MBNL2: variants seen among roughly 807,000 people sequenced by gnomAD.
MBNL2 encodes the protein muscleblind like splicing regulator 2, also known as muscleblind-like protein 2.
In MBNL2, 17 loss-of-function variants were observed where a neutral mutation model predicts 41.9. That is an observed-to-expected ratio of 0.41 (90% CI 0.28 to 0.61). The LOEUF is 0.61. Among genes scored for constraint, MBNL2 ranks in the 20% least tolerant of loss-of-function variants. The probability of loss-of-function intolerance (pLI) is 0.35; values close to 1 mark genes in which losing one functional copy is unlikely to be tolerated. For synonymous variants in MBNL2, 195 were observed against 182.9 expected (o/e 1.07, Z -0.53); for missense variants, 336 against 505.6 (o/e 0.66, Z 3.22).
chr13:97,254,498 C>T (rs1000060086), intron 1 of MBNL2, among the ~76,000 whole-genome samples: 7 of 152,152 alleles, frequency 4.6e-5, no homozygotes, highest in Non-Finnish European at 7.3e-5. Flanking sequence ...GTGTTATTAA[C>T]TTCCTCTGTC....
intron 2 of MBNL2, among the ~76,000 whole-genome samples, chr13:97,330,332 C>A (rs1005711624): frequency 5.3e-5 from 8 of 152,122 alleles, no homozygotes; most frequent in East Asian, 1.9e-4. Context: ...GCTCCCAGTT[C>A]CTGGGAGGCT....
At chr13:97,271,135 T>C (rs2152916731) in intron 1 of MBNL2, among the ~76,000 whole-genome samples, 1 of 151,062 alleles carries the variant, frequency 6.6e-6, no homozygotes, top group African/African-American at 2.4e-5. Flanking sequence ...TGTTTTTTTT[T>C]TTTGAGACAG....
chr13:97,242,979 G>A (rs2044627264), intron 1 of MBNL2, among the ~76,000 whole-genome samples: 1 of 152,180 alleles, frequency 6.6e-6, no homozygotes. Flanking sequence ...CTGAGCGCAT[G>A]CGCTCCTGTG....
At chr13:97,331,714 A>G (rs2060456096) in intron 2 of MBNL2, among the ~76,000 whole-genome samples, 1 of 152,202 alleles carries the variant, frequency 6.6e-6, no homozygotes, top group African/African-American at 2.4e-5. Flanking sequence ...TATAAGGAGA[A>G]AATGAGATGA....
chr13:97,162,699 T>C, the MBNL2 span, among the ~76,000 whole-genome samples: 1 of 152,336 alleles, frequency 6.6e-6, no homozygotes, highest in Admixed American at 6.5e-5. Context: ...TCAGCCTCTC[T>C]CCACCAGCAC....
chr13:97,193,221 C>T, the MBNL2 span, among the ~76,000 whole-genome samples: 39 of 152,328 alleles, frequency 2.6e-4, no homozygotes, highest in African/African-American at 8.4e-4. Context: ...CTCTCCCCAG[C>T]GGACCAATGC....
intron 2 of MBNL2, among the ~76,000 whole-genome samples, chr13:97,302,729 G>A (rs2057749447): frequency 6.6e-6 from 1 of 152,174 alleles, no homozygotes. Flanking sequence ...AGGCTGTAGT[G>A]GAGTCTGTAC....
At chr13:97,232,892 C>T (rs185568260) in intron 1 of MBNL2, among the ~76,000 whole-genome samples, 27 of 114,616 alleles carry the variant, frequency 2.4e-4, no homozygotes, top group African/African-American at 4.1e-4. Context: ...TGTGTGTGTG[C>T]GCACGTACAC....
intron 2 of MBNL2, among the ~76,000 whole-genome samples, chr13:97,297,717 TG>T (rs1163452263): frequency 6.6e-6 from 1 of 152,158 alleles, no homozygotes; most frequent in African/African-American, 2.4e-5. Context: ...CCTTGCTGCA[TG>T]TTGAGGAAGA....
At chr13:97,167,261 G>T in the MBNL2 span, among the ~76,000 whole-genome samples, 1 of 152,140 alleles carries the variant, frequency 6.6e-6, no homozygotes, top group African/African-American at 2.4e-5. Context: ...GCAAGAGGGT[G>T]CCTTTAGCTT....
intron 2 of MBNL2, among the ~76,000 whole-genome samples, chr13:97,327,560 T>TAAAAAAAAAA (rs71922683): frequency 1.3e-4 from 12 of 90,738 alleles, no homozygotes; most frequent in Admixed American, 4.1e-4. Context: ...ACGTTATTTG[T>TAAAAAAAAAA]AAAAAAAAAA....
the MBNL2 span, among the ~76,000 whole-genome samples, chr13:97,174,335 C>A: frequency 6.6e-6 from 1 of 152,170 alleles, no homozygotes; most frequent in African/African-American, 2.4e-5. Flanking sequence ...GTTGACCCTT[C>A]TCTTGACTAC....
chr13:97,245,196 C>A (rs2045208970), intron 1 of MBNL2, among the ~76,000 whole-genome samples: 1 of 152,150 alleles, frequency 6.6e-6, no homozygotes, highest in African/African-American at 2.4e-5. Context: ...TAAACTTTAG[C>A]CCAGTCTATA....
intron 8 of MBNL2, among the ~76,000 whole-genome samples, chr13:97,371,406 TAGAA>T (rs1285259591): frequency 2.0e-5 from 3 of 152,004 alleles, no homozygotes; most frequent in Non-Finnish European, 4.4e-5. Flanking sequence ...CATCATTAAA[TAGAA>T]AGAAAGACAA....
At chr13:97,213,233 G>T in the MBNL2 span, among the ~76,000 whole-genome samples, 1 of 152,158 alleles carries the variant, frequency 6.6e-6, no homozygotes, top group Non-Finnish European at 1.5e-5. Flanking sequence ...AGCTATGGTT[G>T]TTGACAGAAG....
At chr13:97,181,625 G>C in the MBNL2 span, among the ~76,000 whole-genome samples, 48 of 152,204 alleles carry the variant, frequency 3.2e-4, no homozygotes, top group Non-Finnish European at 1.5e-4. Context: ...TGTCATCTTA[G>C]AAATTGGTTC....
chr13:97,213,399 A>G, the MBNL2 span, among the ~76,000 whole-genome samples: 1 of 152,192 alleles, frequency 6.6e-6, no homozygotes, highest in Admixed American at 6.5e-5. Flanking sequence ...TTTTTTAAGT[A>G]AAAGAGCCTC....
At chr13:97,367,867 G>C (rs1195137377) in intron 8 of MBNL2, among the ~76,000 whole-genome samples, 1 of 152,114 alleles carries the variant, frequency 6.6e-6, no homozygotes. Context: ...GAAACAAACA[G>C]AACAAAGAAC....
At chr13:97,273,052 G>C (rs1382630757) in intron 1 of MBNL2, among the ~76,000 whole-genome samples, 1 of 152,170 alleles carries the variant, frequency 6.6e-6, no homozygotes, top group Non-Finnish European at 1.5e-5. Flanking sequence ...GAACTTTTAG[G>C]AACATCTGAG....
Sources: gnomAD v4.1 joint callset for allele counts (sites outside exome capture counted in the v4.1 genomes callset) on GRCh38, gnomAD v4.1.1 for gene constraint, MANE v1.5 for transcripts, NCBI Gene and HGNC (gene_info 2026-07-23, HGNC 2026-07-21) for gene names.